The following SGCD variants were observed in gnomAD, a reference collection of about 807,000 sequenced individuals.
The protein encoded by SGCD is delta-sarcoglycan.
A neutral mutation model predicts 36.6 loss-of-function variants in SGCD; 18 were observed. The observed-to-expected ratio is 0.49, with a 90% CI of 0.34 to 0.73. The LOEUF is 0.73. Among genes scored for constraint, SGCD ranks in the 30% least tolerant of loss-of-function variants. The pLI is 0.01. For missense variants in SGCD, 387 were observed against 346.7 expected (o/e 1.12, Z -0.92); for synonymous variants, 133 against 130.6 (o/e 1.02, Z -0.12).
intron 6 of SGCD, among the ~76,000 whole-genome samples, chr5:156,644,456 T>C (rs756315615): frequency 6.6e-6 from 1 of 152,146 alleles, no homozygotes; most frequent in Non-Finnish European, 1.5e-5. Flanking sequence ...ATTTTTGCTC[T>C]CTGCCATTTT....
chr5:156,222,712 A>G (rs183840547), intron 3 of SGCD, among the ~76,000 whole-genome samples: 15 of 152,230 alleles, frequency 9.9e-5, no homozygotes, highest in Admixed American at 5.9e-4. Context: ...TTGTTAATTG[A>G]GATTTTAAAG....
chr5:156,374,029 G>A (rs1162719566), intron 3 of SGCD, among the ~76,000 whole-genome samples: 1 of 151,990 alleles, frequency 6.6e-6, no homozygotes, highest in Non-Finnish European at 1.5e-5. Context: ...TGGAGTCAAC[G>A]GACATTTTAT....
At chr5:155,905,228 A>T (rs2113345184) in intron 1 of SGCD, among the ~76,000 whole-genome samples, 1 of 152,312 alleles carries the variant, frequency 6.6e-6, no homozygotes, top group South Asian at 2.1e-4. Context: ...AATATGCCAT[A>T]AACAGCCATA....
At chr5:156,362,903 T>G (rs1212685701) in intron 3 of SGCD, among the ~76,000 whole-genome samples, 4 of 152,190 alleles carry the variant, frequency 2.6e-5, no homozygotes, top group Non-Finnish European at 4.4e-5. Context: ...TAAGGGGTAC[T>G]CTTGAGAAAT....
chr5:156,249,673 C>T (rs1481087534), intron 3 of SGCD, among the ~76,000 whole-genome samples: 2 of 149,180 alleles, frequency 1.3e-5, no homozygotes, highest in African/African-American at 5.0e-5. Context: ...AGTTATGCAA[C>T]TGCAAAGGAA....
chr5:156,226,341 T>C (rs1433059340), intron 3 of SGCD, among the ~76,000 whole-genome samples: 1 of 152,192 alleles, frequency 6.6e-6, no homozygotes, highest in Non-Finnish European at 1.5e-5. Context: ...ATTCCTGAGT[T>C]ATTTTACCTA....
chr5:155,847,224 T>G, the SGCD span, among the ~76,000 whole-genome samples: 1 of 152,192 alleles, frequency 6.6e-6, no homozygotes, highest in Non-Finnish European at 1.5e-5. Flanking sequence ...TCTATGAATT[T>G]TGGGTATACT....
At chr5:155,914,969 G>A (rs1023437565) in intron 1 of SGCD, among the ~76,000 whole-genome samples, 2 of 152,152 alleles carry the variant, frequency 1.3e-5, no homozygotes, top group Admixed American at 1.3e-4. Flanking sequence ...ATAATTGAAA[G>A]TTGCATAAAA....
chr5:156,593,778 G>A (rs958054820), intron 5 of SGCD, among the ~76,000 whole-genome samples: 11 of 152,036 alleles, frequency 7.2e-5, no homozygotes, highest in African/African-American at 2.7e-4. Context: ...TGTTCCTAGT[G>A]GTCTTTGGCT....
chr5:156,245,473 T>C (rs924638776), intron 3 of SGCD, among the ~76,000 whole-genome samples: 4 of 152,148 alleles, frequency 2.6e-5, no homozygotes, highest in Non-Finnish European at 4.4e-5. Context: ...GTGAAAACCC[T>C]GTGGGGAATT....
At chr5:156,176,227 T>G (rs1763467299) in intron 3 of SGCD, among the ~76,000 whole-genome samples, 1 of 152,120 alleles carries the variant, frequency 6.6e-6, no homozygotes, top group Non-Finnish European at 1.5e-5. Flanking sequence ...TAGTGCGTTC[T>G]CCTATTTTAT....
intron 3 of SGCD, among the ~76,000 whole-genome samples, chr5:156,258,729 C>G (rs1372027070): frequency 6.6e-6 from 1 of 152,076 alleles, no homozygotes; most frequent in Non-Finnish European, 1.5e-5. Context: ...TTTCACTCAT[C>G]AATTCTTTGT....
At chr5:155,763,724 C>T in the SGCD span, among the ~76,000 whole-genome samples, 3 of 152,112 alleles carry the variant, frequency 2.0e-5, no homozygotes, top group Admixed American at 2.0e-4. Context: ...CTCCAATATA[C>T]ATTTTAAGTT....
At chr5:156,021,286 A>T (rs562027091) in intron 1 of SGCD, among the ~76,000 whole-genome samples, 2 of 152,256 alleles carry the variant, frequency 1.3e-5, no homozygotes, top group Non-Finnish European at 2.9e-5. Context: ...TGTATTGAGC[A>T]TGTATTGTAT....
the SGCD span, among the ~76,000 whole-genome samples, chr5:155,770,831 C>T: frequency 2.6e-5 from 4 of 152,078 alleles, no homozygotes; most frequent in African/African-American, 9.7e-5. Flanking sequence ...TCGATAAGTT[C>T]ATAAAAAGGT....
At chr5:155,826,277 G>C in the SGCD span, among the ~76,000 whole-genome samples, 1 of 152,118 alleles carries the variant, frequency 6.6e-6, no homozygotes, top group African/African-American at 2.4e-5. Flanking sequence ...ACTCTTTCAG[G>C]CTCATAATCT....
rs10067914 is a variant in SGCD at position 156,176,701 on chromosome 5, C to T, written c.-44+52682C>T. Among the ~76,000 whole-genome samples, 382 of 152,282 alleles carry T rather than the reference C, an allele frequency of 2.5e-3. 3 individuals carry two copies. The highest frequency in any genetic ancestry group is 8.6e-3 in the African/African-American group (357 of 41,570). ...GCTTTTTAAAATCCTCTGTTGCAGG[C>T]TCTAAAAGACTCTAACAATATGTTT... On this transcript the variant is annotated intron_variant, in intron 3 of 9. Transcript: ENST00000517913.
intron 7 of SGCD, among the ~76,000 whole-genome samples, chr5:156,692,652 G>A (rs1220788725): frequency 2.6e-5 from 4 of 152,050 alleles, no homozygotes; most frequent in African/African-American, 4.8e-5. Flanking sequence ...TTCACAAACT[G>A]TTTTTCTGAC....
At chr5:155,897,601 G>A (rs1235521967) in intron 1 of SGCD, among the ~76,000 whole-genome samples, 1 of 151,728 alleles carries the variant, frequency 6.6e-6, no homozygotes, top group Non-Finnish European at 1.5e-5. Flanking sequence ...ACATTATAAA[G>A]TTGTATATGA....
Sources: allele counts gnomAD v4.1 joint callset (sites outside exome capture counted in the v4.1 genomes callset), GRCh38; gene constraint gnomAD v4.1.1; transcripts MANE v1.5; gene names NCBI Gene and HGNC (gene_info 2026-07-23, HGNC 2026-07-21).